NALCN: variants seen among roughly 807,000 people sequenced by gnomAD.
The protein encoded by NALCN is sodium leak channel, non-selective.
NALCN carries 111 observed loss-of-function variants against 225.3 expected under a neutral mutation model. That is an observed-to-expected ratio of 0.49 (90% CI 0.42 to 0.58). The LOEUF (loss-of-function observed/expected upper bound fraction) is 0.58, where lower values mean the gene tolerates loss of function less well. Among genes scored for constraint, NALCN ranks in the 20% least tolerant of loss-of-function variants. The pLI, the probability that NALCN is intolerant of heterozygous loss-of-function variation, is 0.00. For synonymous variants in NALCN, 764 were observed against 769.0 expected (o/e 0.99, Z 0.11); for missense variants, 1,378 against 2,202.4 (o/e 0.63, Z 7.49).
At chr13:101,157,290 T>C (rs984876091) in intron 15 of NALCN, among the ~76,000 whole-genome samples, 1 of 152,196 alleles carries the variant, frequency 6.6e-6, no homozygotes, top group Non-Finnish European at 1.5e-5. Context: ...ACTGATATAC[T>C]GGAAACAATG....
intron 34 of NALCN, among the ~76,000 whole-genome samples, chr13:101,078,780 G>A (rs2033432206): frequency 6.6e-6 from 1 of 152,122 alleles, no homozygotes; most frequent in African/African-American, 2.4e-5. Context: ...ATTTTGAATT[G>A]TGAAGACATG....
intron 6 of NALCN, among the ~76,000 whole-genome samples, chr13:101,362,455 A>G (rs549275438): frequency 2.6e-5 from 4 of 152,270 alleles, no homozygotes; most frequent in East Asian, 3.9e-4. Context: ...ATCAATAAAC[A>G]TGATACATTA....
At chr13:101,291,301 G>T (rs531523671) in intron 9 of NALCN, among the ~76,000 whole-genome samples, 1 of 152,070 alleles carries the variant, frequency 6.6e-6, no homozygotes, top group Non-Finnish European at 1.5e-5. Context: ...CATTACATAG[G>T]CTTGCAAGTA....
chr13:101,275,666 G>A (rs747788298), intron 10 of NALCN, among the ~76,000 whole-genome samples: 6 of 152,224 alleles, frequency 3.9e-5, no homozygotes, highest in Middle Eastern at 3.4e-3. Context: ...TAGCTGGGGA[G>A]GAAGAAGGGA....
At chr13:101,246,914 G>A (rs541956058) in intron 11 of NALCN, among the ~76,000 whole-genome samples, 3 of 152,208 alleles carry the variant, frequency 2.0e-5, no homozygotes, top group East Asian at 1.9e-4. Flanking sequence ...CCTGCAAGAC[G>A]GCAAAATGAG....
chr13:101,260,935 T>A (rs1245162431), intron 10 of NALCN, among the ~76,000 whole-genome samples: 1 of 152,208 alleles, frequency 6.6e-6, no homozygotes, highest in Non-Finnish European at 1.5e-5. Flanking sequence ...GTATTGCTCA[T>A]AAAATCTTTG....
At chr13:101,365,797 C>T (rs1276470847) in intron 6 of NALCN, among the ~76,000 whole-genome samples, 1 of 152,110 alleles carries the variant, frequency 6.6e-6, no homozygotes, top group Non-Finnish European at 1.5e-5. Flanking sequence ...TACCTCTGGG[C>T]TTAAAGCTAG....
intron 7 of NALCN, among the ~76,000 whole-genome samples, chr13:101,322,536 T>C (rs1416960023): frequency 6.6e-6 from 1 of 152,156 alleles, no homozygotes; most frequent in African/African-American, 2.4e-5. Flanking sequence ...CTGGTTAACG[T>C]TTGATGTGCT....
At chr13:101,202,035 C>G (rs769860018) in intron 13 of NALCN, among the ~76,000 whole-genome samples, 4 of 152,232 alleles carry the variant, frequency 2.6e-5, no homozygotes, top group Non-Finnish European at 5.9e-5. Flanking sequence ...TTTACTCAGT[C>G]TCCTTGTTTC....
At chr13:101,397,113 TACAC>T (rs1436305962) in intron 2 of NALCN, among the ~76,000 whole-genome samples, 3 of 112,934 alleles carry the variant, frequency 2.7e-5, no homozygotes, top group South Asian at 2.9e-4. Flanking sequence ...TATATATACA[TACAC>T]ATACATATAT....
intron 15 of NALCN, among the ~76,000 whole-genome samples, chr13:101,161,714 A>C (rs1299349148): frequency 6.6e-6 from 1 of 152,162 alleles, no homozygotes; most frequent in African/African-American, 2.4e-5. Flanking sequence ...TCTTCTAAAA[A>C]TATAAAAATT....
chr13:101,395,431 C>A lies in NALCN; in HGVS notation c.109-66G>T. 6 of 1,483,402 alleles carry A rather than the reference C, an allele frequency of 4.0e-6. No homozygotes were observed. In the Admixed American group the frequency reaches 1.2e-4, roughly 29 times the overall value. 91.9% of individuals were successfully genotyped at this position (1,483,402 alleles called of 1,614,324 possible). A position where few individuals can be genotyped will look rare whatever the true frequency, so the allele number is the denominator to read the frequency against. ...GATATCTCAAACTTGTATTATGAAC[C>A]ACACTAAGTGGAAAACATAATACTG... On this transcript the variant is annotated intron_variant, in intron 2 of 43. Coordinates refer to ENST00000251127, the MANE Select transcript of NALCN (RefSeq NM_052867.4).
intron 26 of NALCN, among the ~76,000 whole-genome samples, chr13:101,101,578 G>A (rs1306712449): frequency 6.6e-6 from 1 of 152,136 alleles, no homozygotes; most frequent in Non-Finnish European, 1.5e-5. Flanking sequence ...ACTATGCCTG[G>A]CCTGGATTCA....
intron 15 of NALCN, among the ~76,000 whole-genome samples, chr13:101,159,526 G>A (rs1004127179): frequency 1.3e-5 from 2 of 152,128 alleles, no homozygotes; most frequent in Non-Finnish European, 2.9e-5. Flanking sequence ...TTAGAACTAC[G>A]TATATTAGAA....
At chr13:101,317,642 G>A (rs542510485) in intron 7 of NALCN, among the ~76,000 whole-genome samples, 3 of 152,158 alleles carry the variant, frequency 2.0e-5, no homozygotes, top group African/African-American at 2.4e-5. Flanking sequence ...CTCCTTTAGC[G>A]ACTCCTGTGA....
chr13:101,240,179 T>C (rs984983398), intron 11 of NALCN, among the ~76,000 whole-genome samples: 1 of 152,132 alleles, frequency 6.6e-6, no homozygotes, highest in Admixed American at 6.5e-5. Context: ...TACAACTTTA[T>C]GATTTTTTTC....
At chr13:101,235,512 TG>T (rs66599095) in intron 12 of NALCN, among the ~76,000 whole-genome samples, 58,042 of 152,020 alleles carry the variant, frequency 0.38, 12,154 homozygotes, top group East Asian at 0.59. Context: ...TCAATGGCCA[TG>T]ATAACTTTGT....
In NALCN at chr13:101,054,560, C is replaced by T. The variant is rs985885981; in HGVS notation, c.*735G>A. On this transcript the variant is annotated 3_prime_UTR_variant, in exon 44 of 44. Transcript: ENST00000251127. ...ACTTAACATCTTTGCGCAACTATGT[C>T]ACTCAAGTGATTTATCTACAGGTTT... The T allele has an allele frequency of 3.9e-5, 6 of 152,178 alleles. No individual in the cohort carries two copies. Among genetic ancestry groups the T allele is most frequent in the African/African-American group, 1.2e-4 (5 of 41,456 alleles). The allele number at this position is 152,178 out of a possible 1,614,324, so 9.4% of individuals were successfully genotyped here. A position where few individuals can be genotyped will look rare whatever the true frequency, so the allele number is the denominator to read the frequency against.
chr13:101,250,580 T>C (rs2042033072), intron 11 of NALCN, among the ~76,000 whole-genome samples: 1 of 152,006 alleles, frequency 6.6e-6, no homozygotes, highest in Admixed American at 6.6e-5. Flanking sequence ...AATCAAGTCC[T>C]TATCTCATTC....
Sources: gnomAD v4.1 joint callset for allele counts (sites outside exome capture counted in the v4.1 genomes callset) on GRCh38, gnomAD v4.1.1 for gene constraint, MANE v1.5 for transcripts, NCBI Gene and HGNC (gene_info 2026-07-23, HGNC 2026-07-21) for gene names.